The following SOBP variants were observed in gnomAD, a reference collection of about 807,000 sequenced individuals.
SOBP encodes the protein sine oculis binding protein homolog.
SOBP carries 4 observed loss-of-function variants against 53.6 expected under a neutral mutation model. The ratio of observed to expected loss-of-function variants is 0.07; its 90% CI spans 0.04 to 0.17. The LOEUF (loss-of-function observed/expected upper bound fraction) is 0.17. SOBP is among the 10% of genes least tolerant of loss of function. SOBP has a pLI of 1.00. For missense variants in SOBP, 1,088 were observed against 1,204.7 expected, an observed-to-expected ratio of 0.90 and a Z score of 1.43; for synonymous variants, 584 against 522.6, an observed-to-expected ratio of 1.12 and a Z score of -1.60.
intron 5 of SOBP, among the ~76,000 whole-genome samples, chr6:107,592,974 A>G (rs1785811220): frequency 6.6e-6 from 1 of 152,246 alleles, no homozygotes; most frequent in South Asian, 2.1e-4. Context: ...AGACTTTAAT[A>G]CAGGCAGAAG....
chr6:107,605,777 C>A (rs952917645), intron 5 of SOBP, among the ~76,000 whole-genome samples: 8 of 152,174 alleles, frequency 5.3e-5, no homozygotes, highest in Non-Finnish European at 1.0e-4. Flanking sequence ...CAAAATGTGG[C>A]CCACCCACCG....
At chr6:107,524,402 A>T (rs1467668731) in intron 3 of SOBP, among the ~76,000 whole-genome samples, 1 of 152,184 alleles carries the variant, frequency 6.6e-6, no homozygotes. Context: ...AGAGGTTCAG[A>T]TTGAGGGCCC....
In SOBP at chr6:107,659,038, A is replaced by T. The variant is rs1027489459; in HGVS notation, c.*835A>T. ...TAGCGCCCCATTTGGGAACAGAGCA[A>T]GAGTGTTGAACTGAAGACCAAAATG... On this transcript the variant is annotated 3_prime_UTR_variant, in exon 7 of 7. Transcript: ENST00000317357. 1 of 152,646 alleles carries T rather than the reference A, an allele frequency of 6.6e-6. No individual in the cohort carries two copies. Among genetic ancestry groups the T allele is most frequent in the African/African-American group, 2.4e-5 (1 of 41,444 alleles). 9.5% of individuals were successfully genotyped at this position (152,646 alleles called of 1,614,324 possible). A position where few individuals can be genotyped will look rare whatever the true frequency, so the allele number is the denominator to read the frequency against.
chr6:107,584,922 T>A (rs981539117), intron 4 of SOBP, among the ~76,000 whole-genome samples: 7 of 152,128 alleles, frequency 4.6e-5, no homozygotes, highest in Non-Finnish European at 7.4e-5. Flanking sequence ...TGTGTATACA[T>A]AGTATATGCA....
chr6:107,628,126 C>T (rs1414872377), intron 5 of SOBP, among the ~76,000 whole-genome samples: 5 of 152,214 alleles, frequency 3.3e-5, no homozygotes, highest in Admixed American at 2.6e-4. Context: ...ATTCAAACAG[C>T]AGTTGAGCCG....
At chr6:107,516,758 T>C (rs1333811742) in intron 3 of SOBP, among the ~76,000 whole-genome samples, 1 of 152,156 alleles carries the variant, frequency 6.6e-6, no homozygotes, top group Non-Finnish European at 1.5e-5. Flanking sequence ...CTTAAAAATA[T>C]AATTTAAAGT....
chr6:107,606,653 C>CAGGAA (rs1583265338), intron 5 of SOBP, among the ~76,000 whole-genome samples: 2 of 152,242 alleles, frequency 1.3e-5, no homozygotes, highest in East Asian at 3.9e-4. Flanking sequence ...GTTTAATCCC[C>CAGGAA]GGAAGGAAAA....
At chr6:107,544,918 G>A (rs950711031) in intron 4 of SOBP, among the ~76,000 whole-genome samples, 1 of 152,214 alleles carries the variant, frequency 6.6e-6, no homozygotes, top group Non-Finnish European at 1.5e-5. Flanking sequence ...TATAGAGTTA[G>A]CACATTAATA....
At chr6:107,530,818 A>G (rs981824952) in intron 3 of SOBP, among the ~76,000 whole-genome samples, 2 of 152,186 alleles carry the variant, frequency 1.3e-5, no homozygotes, top group Admixed American at 6.5e-5. Context: ...AAAGTGCACA[A>G]TGTATTTGGT....
At chr6:107,549,690 A>G (rs1784410513) in intron 4 of SOBP, among the ~76,000 whole-genome samples, 1 of 152,062 alleles carries the variant, frequency 6.6e-6, no homozygotes, top group South Asian at 2.1e-4. Context: ...TTTTATGATC[A>G]TATAATTCAG....
At position 107,634,150 on chromosome 6, in the gene SOBP, C is replaced by A; in HGVS notation, c.1306C>A (p.Pro436Thr). 6.2e-7 allele frequency: 1 copy of A among 1,611,448 alleles called. No homozygotes were observed. The highest frequency in any genetic ancestry group is 8.5e-7 in the Non-Finnish European group (1 of 1,179,160). Reference protein sequence around the residue: ...LSNPMLPGIGPPPGGPRNLGP... With the variant: ...LSNPMLPGIGTPPGGPRNLGP... ...CAACCCCATGCTTCCCGGCATCGGG[C>A]CCCCGCCCGGTGGCCCCAGAAACCT... The change falls in exon 6 of 7, where the codon CCC (proline) becomes ACC (threonine). Residue 436 changes from proline to threonine, a missense_variant. By Grantham distance (38) the Pro-to-Thr change is conservative. Coordinates refer to ENST00000317357, the MANE Select transcript of SOBP (RefSeq NM_018013.4). This position sits in a 1 kb window ranked among gnomAD's most constrained non-coding sequence, Gnocchi z 4.5.
intron 5 of SOBP, among the ~76,000 whole-genome samples, chr6:107,592,276 G>A (rs1178843013): frequency 6.6e-6 from 1 of 152,050 alleles, no homozygotes; most frequent in Non-Finnish European, 1.5e-5. Flanking sequence ...AACAAGATTG[G>A]ATGTCTTTGC....
chr6:107,661,127 C>A lies in SOBP; in HGVS notation c.*2924C>A, dbSNP rs906256003. 6.6e-5 allele frequency among the ~76,000 whole-genome samples: 10 copies of A among 152,194 alleles called. No individual in the cohort carries two copies. The highest frequency in any genetic ancestry group is 2.4e-4 in the African/African-American group (10 of 41,442). On this transcript the variant is annotated 3_prime_UTR_variant, in exon 7 of 7. Coordinates refer to ENST00000317357, the MANE Select transcript of SOBP (RefSeq NM_018013.4). Reference sequence around the variant, plus strand: ...TTGTCTGTAGTCCAAGATTGTCAAGCAAACATTTTGACCCTTCTGGAAACA... The same window carrying A: ...TTGTCTGTAGTCCAAGATTGTCAAGAAAACATTTTGACCCTTCTGGAAACA...
At chr6:107,591,978 T>TG (rs1562086415) in intron 5 of SOBP, among the ~76,000 whole-genome samples, 86 of 93,818 alleles carry the variant, frequency 9.2e-4, no homozygotes, top group African/African-American at 3.2e-3. Flanking sequence ...GTTTTTTTTT[T>TG]TTTTTTTTTT....
chr6:107,525,220 A>G (rs1395522487), intron 3 of SOBP, among the ~76,000 whole-genome samples: 1 of 152,194 alleles, frequency 6.6e-6, no homozygotes, highest in African/African-American at 2.4e-5. Context: ...GACAGACTCC[A>G]CAGTGAACAC....
chr6:107,569,999 A>G (rs1161455588), intron 4 of SOBP, among the ~76,000 whole-genome samples: 1 of 152,220 alleles, frequency 6.6e-6, no homozygotes, highest in Non-Finnish European at 1.5e-5. Context: ...TGTGAAGGGC[A>G]GGTGTAGGGT....
intron 1 of SOBP, among the ~76,000 whole-genome samples, chr6:107,502,505 C>A (rs1231550876): frequency 6.6e-6 from 1 of 152,130 alleles, no homozygotes; most frequent in Non-Finnish European, 1.5e-5. Flanking sequence ...GATATTAAAT[C>A]TGTCCAATTA....
chr6:107,569,604 C>T (rs1250339077), intron 4 of SOBP, among the ~76,000 whole-genome samples: 3 of 152,172 alleles, frequency 2.0e-5, no homozygotes, highest in Admixed American at 6.5e-5. Context: ...TTCTCCTGTC[C>T]GTATTTTTAC....
At chr6:107,571,964 T>G (rs1297897296) in intron 4 of SOBP, among the ~76,000 whole-genome samples, 1 of 152,124 alleles carries the variant, frequency 6.6e-6, no homozygotes, top group East Asian at 1.9e-4. Context: ...AAATAGCAAT[T>G]AAGATGTTTT....
Sources: gnomAD v4.1 joint callset for allele counts (sites outside exome capture counted in the v4.1 genomes callset) on GRCh38, gnomAD v4.1.1 for gene constraint, Gnocchi (gnomAD v3.1) non-coding constraint, MANE v1.5 for transcripts, NCBI Gene and HGNC (gene_info 2026-07-23, HGNC 2026-07-21) for gene names.